Variants in CFAP58 observed in about 807,000 individuals in gnomAD.
The protein encoded by CFAP58 is cilia and flagella associated protein 58.
CFAP58 carries 88 observed loss-of-function variants against 119.5 expected under a neutral mutation model. The ratio of observed to expected loss-of-function variants is 0.74; its 90% CI spans 0.62 to 0.88. The LOEUF is 0.88. Among genes scored for constraint, CFAP58 ranks in the 40% least tolerant of loss-of-function variants. The probability of loss-of-function intolerance (pLI) is 0.00; values close to 1 mark genes in which losing one functional copy is unlikely to be tolerated. For synonymous variants in CFAP58, 365 were observed against 366.3 expected, an observed-to-expected ratio of 1.00 and a Z score of 0.04; for missense variants, 990 against 1,021.2, an observed-to-expected ratio of 0.97 and a Z score of 0.42.
rs191114014 is a variant in CFAP58, at chr10:104,386,697, A to G, written c.1366-5536A>G. 5.0e-3 allele frequency among the ~76,000 whole-genome samples: 764 copies of G among 152,308 alleles called. 2 individuals are homozygous for G. Among genetic ancestry groups the G allele is most frequent in the Non-Finnish European group, 7.9e-3 (540 of 68,018 alleles). Reference sequence around the variant, plus strand: ...AGTTCTTCATATTGCTTATTTACTAAGTAAATACTCAAATATTTTTTGAAC... The same window carrying G: ...AGTTCTTCATATTGCTTATTTACTAGGTAAATACTCAAATATTTTTTGAAC... On this transcript the variant is annotated intron_variant, in intron 9 of 17. Transcript: ENST00000369704.
At chr10:104,341,746 A>G in the CFAP58 span, among the ~76,000 whole-genome samples, 9 of 152,110 alleles carry the variant, frequency 5.9e-5, no homozygotes, top group Non-Finnish European at 8.8e-5. Flanking sequence ...CATCATTAAT[A>G]GATCAAAAGA....
At chr10:104,416,053 C>T (rs1454753738) in intron 15 of CFAP58, among the ~76,000 whole-genome samples, 1 of 152,154 alleles carries the variant, frequency 6.6e-6, no homozygotes, top group Admixed American at 6.5e-5. Flanking sequence ...ACCTGGGACT[C>T]ATTTTGGGGA....
the CFAP58 span, among the ~76,000 whole-genome samples, chr10:104,344,071 A>G: frequency 6.6e-6 from 1 of 152,214 alleles, no homozygotes; most frequent in Non-Finnish European, 1.5e-5. Flanking sequence ...CTACTCTTCT[A>G]ACTCACATCT....
chr10:104,351,063 G>A (rs148456726), upstream of CFAP58, among the ~76,000 whole-genome samples: 9 of 152,288 alleles, frequency 5.9e-5, no homozygotes, highest in East Asian at 1.5e-3. Context: ...CCTACAAACC[G>A]ATGGTCCCAA....
intron 15 of CFAP58, among the ~76,000 whole-genome samples, chr10:104,421,037 G>A (rs2012649280): frequency 6.6e-6 from 1 of 152,112 alleles, no homozygotes. Flanking sequence ...ACACGCATGA[G>A]CCACCGCACC....
intron 15 of CFAP58, among the ~76,000 whole-genome samples, chr10:104,427,418 A>T (rs1306492143): frequency 6.6e-6 from 1 of 151,836 alleles, no homozygotes; most frequent in Non-Finnish European, 1.5e-5. Context: ...CAATTTATAA[A>T]TTTTTTTTTC....
chr10:104,375,744 T>C lies in CFAP58; in HGVS notation c.1091-1067T>C, dbSNP rs573949014. Reference sequence around the variant, plus strand: ...CGAATACGTTTAAGAAATACATTGGTTTGGTTCAGAAAAGCAGGACAATTC... The same window carrying C: ...CGAATACGTTTAAGAAATACATTGGCTTGGTTCAGAAAAGCAGGACAATTC... On this transcript the variant is annotated intron_variant, in intron 7 of 17. Coordinates refer to ENST00000369704, the MANE Select transcript of CFAP58 (RefSeq NM_001008723.2). Among the ~76,000 whole-genome samples the C allele has an allele frequency of 6.0e-5, 9 of 151,122 alleles. No individual in the cohort carries two copies. The South Asian group carries it at 1.7e-3, about 28-fold the overall frequency.
At position 104,365,926 on chromosome 10, in the gene CFAP58, C is replaced by A; in HGVS notation, c.710C>A (p.Thr237Lys). The A allele has an allele frequency of 1.9e-6, 3 of 1,613,404 alleles. No homozygotes were observed. The highest frequency in any genetic ancestry group is 2.5e-6 in the Non-Finnish European group (3 of 1,179,724). Residue 237 changes from threonine (T) to lysine (K), a missense_variant, in exon 5 of 18, where the codon ACA becomes AAA. By Grantham distance (78) the Thr-to-Lys change is moderately conservative. Coordinates refer to ENST00000369704, the MANE Select transcript of CFAP58 (RefSeq NM_001008723.2). ...QIQADMDSRQTEIKALQQYVQ... is the reference protein window; with the variant it reads ...QIQADMDSRQKEIKALQQYVQ... ...CAGGCAGACATGGACAGCAGGCAGA[C>A]AGAAATAAAAGCCCTGCAGCAGTAT...
At chr10:104,385,316 C>A (rs1381101673) in intron 9 of CFAP58, among the ~76,000 whole-genome samples, 1 of 152,034 alleles carries the variant, frequency 6.6e-6, no homozygotes, top group Admixed American at 6.6e-5. Context: ...TTGTAAAGGA[C>A]AAGGTGACCC....
rs147256616 is a variant in CFAP58, at chr10:104,419,866, G to A, written c.2256+13073G>A. On this transcript the variant is annotated intron_variant, in intron 15 of 17. Transcript: ENST00000369704. ...TTTTGGTTTTCGTGTTAAAAATTTA[G>A]CATAAGAAGAAGTTGGCAAGACTAT... Among the ~76,000 whole-genome samples the A allele has an allele frequency of 2.0e-5, 3 of 152,248 alleles. No individual in the cohort carries two copies. The East Asian group carries it at 5.8e-4, about 29-fold the overall frequency.
At chr10:104,367,722 G>T (rs1487856680) in intron 5 of CFAP58, among the ~76,000 whole-genome samples, 1 of 152,008 alleles carries the variant, frequency 6.6e-6, no homozygotes, top group Non-Finnish European at 1.5e-5. Flanking sequence ...ACCTAAACTG[G>T]CTTTCTATTT....
chr10:104,353,998 AT>A, intron 1 of CFAP58, 92 bp downstream of exon 1: 8 of 1,475,128 alleles, frequency 5.4e-6, no homozygotes, highest in Non-Finnish European at 7.5e-6. Context: ...TGATTCCAAT[AT>A]TTCCCCCCAT....
intron 15 of CFAP58, among the ~76,000 whole-genome samples, chr10:104,426,875 C>T (rs905637293): frequency 6.6e-6 from 1 of 152,218 alleles, no homozygotes; most frequent in African/African-American, 2.4e-5. Context: ...TTATTTTCCT[C>T]TTCCTTTCCA....
chr10:104,390,411 A>C (rs1056432407), intron 9 of CFAP58, among the ~76,000 whole-genome samples: 5 of 152,212 alleles, frequency 3.3e-5, no homozygotes, highest in African/African-American at 1.2e-4. Context: ...AACAAACCCC[A>C]AAAAGCCAAA....
chr10:104,357,908 T>C lies in CFAP58; in HGVS notation c.10-433T>C, dbSNP rs186787143. Among the ~76,000 whole-genome samples the C allele has an allele frequency of 4.5e-3, 514 of 114,994 alleles. 26 individuals are homozygous for C. Among genetic ancestry groups the C allele is most frequent in the South Asian group, 0.018 (73 of 4,032 alleles). The allele number at this position is 114,994 out of a possible 152,430, so 75.4% of individuals were successfully genotyped here. The stretch of plus-strand genomic sequence containing the variant: ...ATATATAAACATATATGTACACATA[T>C]ACACACATATATGTACACATATACA... On this transcript the variant is annotated intron_variant, in intron 1 of 17. Coordinates refer to ENST00000369704, the MANE Select transcript of CFAP58 (RefSeq NM_001008723.2).
At chr10:104,375,301 G>A (rs1483216654) in intron 7 of CFAP58, among the ~76,000 whole-genome samples, 1 of 151,512 alleles carries the variant, frequency 6.6e-6, no homozygotes, top group Admixed American at 6.6e-5. Flanking sequence ...AATAAGCTGG[G>A]AAAGAGACAT....
Position 104,454,678 on chromosome 10 carries a change from A to T in CFAP58, c.*148A>T. On this transcript the variant is annotated 3_prime_UTR_variant, in exon 18 of 18. Coordinates refer to ENST00000369704, the MANE Select transcript of CFAP58 (RefSeq NM_001008723.2). The stretch of plus-strand genomic sequence containing the variant: ...GCAGAACTATCATAGTCACATACAT[A>T]TAAGAGGGATGGTGTTTTGTCTGGT... 3.2e-6 allele frequency: 2 copies of T among 623,274 alleles called. No homozygotes were observed. Among genetic ancestry groups the T allele is most frequent in the Non-Finnish European group, 5.8e-6 (2 of 347,364 alleles). 38.6% of individuals were successfully genotyped at this position (623,274 alleles called of 1,614,324 possible). A position where few individuals can be genotyped will look rare whatever the true frequency, so the allele number is the denominator to read the frequency against.
intron 7 of CFAP58, among the ~76,000 whole-genome samples, chr10:104,375,516 C>T (rs548534013): frequency 2.6e-4 from 39 of 152,128 alleles, no homozygotes; most frequent in East Asian, 9.7e-4. Flanking sequence ...ATCAGGAGTT[C>T]GAGACCAGCC....
In CFAP58 at chr10:104,403,781, C is replaced by T. The variant is rs369701921; in HGVS notation, c.2092C>T (p.Arg698Ter). The T allele has an allele frequency of 2.8e-5, 45 of 1,612,826 alleles. No individual in the cohort carries two copies. The Admixed American group carries it at 5.0e-4, about 18-fold the overall frequency. Residue 698 changes from arginine to a stop codon, truncating the protein, a stop_gained, in exon 14 of 18, where the codon CGA becomes TGA. Coordinates refer to ENST00000369704, the MANE Select transcript of CFAP58 (RefSeq NM_001008723.2). LOFTEE classifies it high-confidence loss of function. ...ATTGTTGAAGGAGAGGACACGCTGC[C>T]GAGCCCTGGAGGAGGAGCTGGAGAA... ...RELLKERTRC[R>*]ALEEELENPL...
Sources: allele counts gnomAD v4.1 joint callset (sites outside exome capture counted in the v4.1 genomes callset), GRCh38; gene constraint gnomAD v4.1.1; transcripts MANE v1.5; gene names NCBI Gene and HGNC (gene_info 2026-07-23, HGNC 2026-07-21).